Variants in NCALD observed in about 807,000 individuals in gnomAD.
NCALD encodes neurocalcin-delta.
In NCALD, 10 loss-of-function variants were observed where a neutral mutation model predicts 18.6. That is an observed-to-expected ratio of 0.54 (90% CI 0.33 to 0.91). The LOEUF (loss-of-function observed/expected upper bound fraction) is 0.91, where lower values mean the gene tolerates loss of function less well. NCALD is among the 40% of genes least tolerant of loss of function. NCALD has a pLI of 0.03. For synonymous variants in NCALD, 88 were observed against 87.4 expected, an observed-to-expected ratio of 1.01 and a Z score of -0.04; for missense variants, 184 against 247.6, an observed-to-expected ratio of 0.74 and a Z score of 1.72.
At chr8:102,044,509 T>C (rs990190098) in intron 1 of NCALD, among the ~76,000 whole-genome samples, 2 of 152,212 alleles carry the variant, frequency 1.3e-5, no homozygotes, top group African/African-American at 4.8e-5. Context: ...CTACCAACCA[T>C]TTCTAAAATC....
chr8:102,024,003 A>T (rs569536814), intron 1 of NCALD, among the ~76,000 whole-genome samples: 2 of 152,344 alleles, frequency 1.3e-5, no homozygotes, highest in East Asian at 3.9e-4. Flanking sequence ...TCAACTCTAG[A>T]TGAAAATATT....
At chr8:101,897,428 A>G (rs1282265206) in intron 3 of NCALD, among the ~76,000 whole-genome samples, 7 of 149,060 alleles carry the variant, frequency 4.7e-5, no homozygotes, top group Admixed American at 1.3e-4. Context: ...ATGACGAGTT[A>G]GTGGGTGCAG....
At chr8:102,026,056 T>TA (rs911231978) in intron 1 of NCALD, among the ~76,000 whole-genome samples, 7 of 152,120 alleles carry the variant, frequency 4.6e-5, no homozygotes, top group African/African-American at 1.7e-4. Context: ...TCACTGAGGG[T>TA]AACTGCATCA....
intron 2 of NCALD, among the ~76,000 whole-genome samples, chr8:101,998,071 C>T (rs1312235625): frequency 2.0e-5 from 3 of 152,102 alleles, no homozygotes; most frequent in Non-Finnish European, 4.4e-5. Flanking sequence ...CTGTGCCATC[C>T]CTCCAGGCCC....
chr8:101,756,559 C>G (rs1232066005), intron 1 of NCALD, among the ~76,000 whole-genome samples: 3 of 152,206 alleles, frequency 2.0e-5, no homozygotes, highest in African/African-American at 7.2e-5. Flanking sequence ...GCCATCTTTG[C>G]ACGGAATAAG....
chr8:101,792,866 T>C (rs752352232), upstream of NCALD, among the ~76,000 whole-genome samples: 13 of 151,226 alleles, frequency 8.6e-5, no homozygotes, highest in Admixed American at 2.6e-4. Flanking sequence ...TAATAGGTGA[T>C]GTCTTCTGAA....
At chr8:101,717,602 A>G (rs1275684339) in intron 2 of NCALD, among the ~76,000 whole-genome samples, 1 of 152,174 alleles carries the variant, frequency 6.6e-6, no homozygotes, top group African/African-American at 2.4e-5. Flanking sequence ...TCTAAGAGAT[A>G]TTTAGAAAGG....
chr8:101,802,481 GA>G (rs1306308835), intron 4 of NCALD, among the ~76,000 whole-genome samples: 2 of 151,904 alleles, frequency 1.3e-5, no homozygotes, highest in African/African-American at 4.8e-5. Flanking sequence ...AAGACAGGCT[GA>G]AAACTAAGCC....
chr8:101,892,324 A>G (rs6996878), intron 3 of NCALD, among the ~76,000 whole-genome samples: 1,471 of 146,668 alleles, frequency 0.01, 59 homozygotes, highest in African/African-American at 0.037. Context: ...AAGGAAAACT[A>G]ACAAACAGAA....
chr8:102,048,356 T>G (rs1385699448), intron 1 of NCALD, among the ~76,000 whole-genome samples: 3 of 152,194 alleles, frequency 2.0e-5, no homozygotes, highest in Non-Finnish European at 2.9e-5. Flanking sequence ...GATAGCATAT[T>G]AGTGTCCCTT....
chr8:101,963,021 C>A (rs1259010991), intron 2 of NCALD, among the ~76,000 whole-genome samples: 4 of 152,102 alleles, frequency 2.6e-5, no homozygotes, highest in African/African-American at 9.7e-5. Context: ...ATACCTTTTG[C>A]CAATTTCCAT....
chr8:102,107,764 C>A (rs1825520026), intron 1 of NCALD, among the ~76,000 whole-genome samples: 2 of 152,154 alleles, frequency 1.3e-5, no homozygotes. Flanking sequence ...AGAAAGCATT[C>A]CTGAGAAGTC....
chr8:101,690,377 G>A, intron 3 of NCALD: 1 of 984,582 alleles, frequency 1.0e-6, no homozygotes, highest in South Asian at 4.7e-5. Flanking sequence ...TTTTTCTCTT[G>A]AAAGGAGCTG....
chr8:101,898,962 A>G (rs1817315016), intron 3 of NCALD, among the ~76,000 whole-genome samples: 1 of 152,112 alleles, frequency 6.6e-6, no homozygotes, highest in African/African-American at 2.4e-5. Context: ...GAATCTGAAT[A>G]TCATTTTGGG....
chr8:101,877,078 T>C (rs984559411), intron 4 of NCALD, among the ~76,000 whole-genome samples: 3 of 152,234 alleles, frequency 2.0e-5, no homozygotes, highest in Admixed American at 6.5e-5. Flanking sequence ...TAAATAACAT[T>C]CTTTCCCTGA....
intron 3 of NCALD, among the ~76,000 whole-genome samples, chr8:101,891,553 C>T (rs1039898528): frequency 2.6e-5 from 4 of 152,214 alleles, no homozygotes; most frequent in African/African-American, 9.6e-5. Flanking sequence ...CAGCTCCCAG[C>T]GTGAGCGACG....
rs537716953 is a variant in NCALD at position 101,954,077 on chromosome 8, T to G, written c.-156-38219A>C. ...CTAAGGGCTTAGCATCCAGCCGACA[T>G]GGCAGACACTCATAGCAAGTACTGT... On this transcript the variant is annotated intron_variant, in intron 2 of 6. Coordinates refer to the NCALD transcript ENST00000311028. 7.2e-5 allele frequency among the ~76,000 whole-genome samples: 11 copies of G among 152,326 alleles called. No individual in the cohort carries two copies. In the East Asian group the frequency reaches 1.3e-3, roughly 19 times the overall value.
At chr8:102,044,469 C>A (rs184328070) in intron 1 of NCALD, among the ~76,000 whole-genome samples, 14 of 149,700 alleles carry the variant, frequency 9.4e-5, no homozygotes, top group Admixed American at 2.7e-4. Context: ...GATGGTATGA[C>A]ACTATTGAGC....
chr8:101,688,911 A>T lies in NCALD; in HGVS notation c.*398T>A. On this transcript the variant is annotated 3_prime_UTR_variant, in exon 4 of 4. Transcript: ENST00000220931. ...CTACGGCACGTGTGACAACAGATTC[A>T]GGTGGGGAGTTTTGTCTTTCAAACA... 1 of 624,192 alleles carries T rather than the reference A, an allele frequency of 1.6e-6. No homozygotes were observed. Among genetic ancestry groups the T allele is most frequent in the Non-Finnish European group, 2.8e-6 (1 of 351,678 alleles). 38.7% of individuals were successfully genotyped at this position (624,192 alleles called of 1,614,324 possible).
Sources: allele counts gnomAD v4.1 joint callset (sites outside exome capture counted in the v4.1 genomes callset), GRCh38; gene constraint gnomAD v4.1.1; transcripts MANE v1.5; gene names NCBI Gene and HGNC (gene_info 2026-07-23, HGNC 2026-07-21).